The following CD163L1 variants were observed in gnomAD, a reference collection of about 807,000 sequenced individuals.
CD163L1 encodes CD163 molecule like 1.
A neutral mutation model predicts 165.4 loss-of-function variants in CD163L1; 124 were observed. That is an observed-to-expected ratio of 0.75 (90% CI 0.65 to 0.87). CD163L1 has a LOEUF of 0.87. Among genes scored for constraint, CD163L1 ranks in the 40% least tolerant of loss-of-function variants. The pLI is 0.00. For missense variants in CD163L1, 1,525 were observed against 1,799.9 expected (o/e 0.85, Z 2.76); for synonymous variants, 585 against 662.2 (o/e 0.88, Z 1.79).
At chr12:7,389,462 A>G (rs1947598325) in intron 8 of CD163L1, among the ~76,000 whole-genome samples, 1 of 152,206 alleles carries the variant, frequency 6.6e-6, no homozygotes, top group Non-Finnish European at 1.5e-5. Flanking sequence ...TAAAAATCAA[A>G]ACAATTGAAC....
At chr12:7,404,529 T>C (rs1404041520) in intron 5 of CD163L1, among the ~76,000 whole-genome samples, 2 of 152,176 alleles carry the variant, frequency 1.3e-5, no homozygotes, top group Non-Finnish European at 2.9e-5. Flanking sequence ...TGACTCTGCT[T>C]TTTCATGCAT....
chr12:7,378,187 G>A (rs2136439057), intron 9 of CD163L1, among the ~76,000 whole-genome samples: 2 of 152,224 alleles, frequency 1.3e-5, no homozygotes, highest in South Asian at 4.1e-4. Context: ...ATTCAGTTCT[G>A]CTGGTTTCAG....
the CD163L1 span, among the ~76,000 whole-genome samples, chr12:7,337,383 A>T: frequency 4.6e-5 from 7 of 152,214 alleles, no homozygotes; most frequent in Admixed American, 6.5e-5. Context: ...TGAACAGGCA[A>T]CCTACAGAAT....
intron 4 of CD163L1, among the ~76,000 whole-genome samples, chr12:7,418,443 T>C (rs1314230123): frequency 1.3e-5 from 2 of 151,824 alleles, no homozygotes; most frequent in African/African-American, 4.8e-5. Flanking sequence ...TGAAAGAGTA[T>C]AAATAGACAA....
intron 14 of CD163L1, among the ~76,000 whole-genome samples, chr12:7,371,370 T>C (rs1236914009): frequency 6.6e-6 from 1 of 152,138 alleles, no homozygotes; most frequent in East Asian, 1.9e-4. Context: ...CTTTCAAATA[T>C]TGAAACACAA....
chr12:7,334,538 T>C, the CD163L1 span, among the ~76,000 whole-genome samples: 172 of 152,318 alleles, frequency 1.1e-3, 2 homozygotes, highest in East Asian at 0.029. Flanking sequence ...AATATCATAC[T>C]GAATGGGCAA....
intron 5 of CD163L1, among the ~76,000 whole-genome samples, chr12:7,405,240 G>C (rs1732746043): frequency 1.3e-5 from 2 of 152,090 alleles, no homozygotes; most frequent in Admixed American, 1.3e-4. Context: ...TCACTTCATT[G>C]TAAGAAAATT....
At chr12:7,425,334 C>G (rs1029945896) in intron 4 of CD163L1, among the ~76,000 whole-genome samples, 1 of 152,150 alleles carries the variant, frequency 6.6e-6, no homozygotes, top group African/African-American at 2.4e-5. Flanking sequence ...AAAATTAACT[C>G]AAGATGGATT....
chr12:7,352,208 A>C (rs61936883), downstream of CD163L1, among the ~76,000 whole-genome samples: 8,982 of 152,226 alleles, frequency 0.059, 374 homozygotes, highest in East Asian at 0.17. Context: ...AAAACAGTCA[A>C]AACTGACCAT....
rs901670411 is a variant in CD163L1 at position 7,355,082 on chromosome 12, T to G, written c.*73A>C. The G allele has an allele frequency of 4.6e-5, 7 of 152,282 alleles. No homozygotes were observed. In the East Asian group the frequency reaches 1.4e-3, roughly 29 times the overall value. The allele number at this position is 152,282 out of a possible 1,614,324, so 9.4% of individuals were successfully genotyped here. A position where few individuals can be genotyped will look rare whatever the true frequency, so the allele number is the denominator to read the frequency against. On this transcript the variant is annotated 3_prime_UTR_variant, in exon 20 of 20. Transcript: ENST00000313599. The stretch of plus-strand genomic sequence containing the variant: ...TCCATAGGGCAACTTGACTTCCTCT[T>G]TATTCATTTAAAAGTTGTTGTCTCC...
intron 18 of CD163L1, among the ~76,000 whole-genome samples, chr12:7,363,973 A>G (rs1269815100): frequency 2.6e-5 from 4 of 152,070 alleles, no homozygotes; most frequent in Admixed American, 1.3e-4. Flanking sequence ...AAACCAGACA[A>G]TGAAACAACA....
At chr12:7,331,853 G>A in the CD163L1 span, among the ~76,000 whole-genome samples, 17 of 152,128 alleles carry the variant, frequency 1.1e-4, no homozygotes, top group African/African-American at 1.7e-4. Flanking sequence ...CAGAAAAACC[G>A]GAAAATCTAA....
At chr12:7,437,824 A>G (rs1295707836) in intron 2 of CD163L1, among the ~76,000 whole-genome samples, 5 of 151,702 alleles carry the variant, frequency 3.3e-5, no homozygotes, top group Non-Finnish European at 7.4e-5. Flanking sequence ...AGTCAACCAT[A>G]TAATAATTCA....
At position 7,404,424 on chromosome 12, in the gene CD163L1, C is replaced by T. The variant is rs746471124; in HGVS notation, c.1088-569G>A. On this transcript the variant is annotated intron_variant, in intron 5 of 19. Coordinates refer to ENST00000313599, the MANE Select transcript of CD163L1 (RefSeq NM_174941.6). The stretch of plus-strand genomic sequence containing the variant: ...GCCTTTGCTTATTAAACATATTTGT[C>T]ATAGGAAATGAAATTTGTTCAGTGG... Among the ~76,000 whole-genome samples the T allele has an allele frequency of 2.0e-5, 3 of 152,190 alleles. No individual in the cohort carries two copies. The South Asian group carries it at 6.2e-4, about 32-fold the overall frequency.
At chr12:7,339,977 A>G in the CD163L1 span, among the ~76,000 whole-genome samples, 364 of 152,224 alleles carry the variant, frequency 2.4e-3, 13 homozygotes, top group East Asian at 0.046. Context: ...TTTGGGTGAC[A>G]TTACGACCAT....
At chr12:7,435,328 C>T (rs1218688467) in intron 2 of CD163L1, among the ~76,000 whole-genome samples, 1 of 151,424 alleles carries the variant, frequency 6.6e-6, no homozygotes, top group Non-Finnish European at 1.5e-5. Flanking sequence ...AATATATTAG[C>T]AACATATATT....
rs1468498324 is a variant in CD163L1 at position 7,368,791 on chromosome 12, T to C, written c.4072+142A>G. ...GCATAGCAAAGCAGTCACAGAGCTATTGATACCACTGGCTGCGACCCACAG... is the reference window on the plus strand; with the variant it reads ...GCATAGCAAAGCAGTCACAGAGCTACTGATACCACTGGCTGCGACCCACAG... On this transcript the variant is annotated intron_variant, in intron 16 of 19. Coordinates refer to ENST00000313599, the MANE Select transcript of CD163L1 (RefSeq NM_174941.6). This position sits in a 1 kb window ranked among gnomAD's most constrained non-coding sequence, Gnocchi z 4.3. 2 of 856,818 alleles carry C rather than the reference T, an allele frequency of 2.3e-6. No individual in the cohort carries two copies. Among genetic ancestry groups the C allele is most frequent in the East Asian group, 2.5e-5 (1 of 40,560 alleles). The allele number at this position is 856,818 out of a possible 1,614,324, so 53.1% of individuals were successfully genotyped here.
chr12:7,339,841 A>G, the CD163L1 span, among the ~76,000 whole-genome samples: 13 of 152,316 alleles, frequency 8.5e-5, no homozygotes, highest in Admixed American at 2.6e-4. Flanking sequence ...CTAGACAATG[A>G]AAAGAAAGGT....
intron 8 of CD163L1, among the ~76,000 whole-genome samples, chr12:7,383,744 A>G (rs1166213346): frequency 6.6e-6 from 1 of 152,210 alleles, no homozygotes; most frequent in African/African-American, 2.4e-5. Flanking sequence ...AGATTACACT[A>G]TAGCATGCAC....
Sources: gnomAD v4.1 joint callset for allele counts (sites outside exome capture counted in the v4.1 genomes callset) on GRCh38, gnomAD v4.1.1 for gene constraint, Gnocchi (gnomAD v3.1) non-coding constraint, MANE v1.5 for transcripts, NCBI Gene and HGNC (gene_info 2026-07-23, HGNC 2026-07-21) for gene names.